The following RPS6KC1 variants were observed in gnomAD, a reference collection of about 807,000 sequenced individuals.
RPS6KC1 encodes inactive ribosomal protein S6 kinase delta-1.
In RPS6KC1, 54 loss-of-function variants were observed where a neutral mutation model predicts 103.8. That is an observed-to-expected ratio of 0.52 (90% CI 0.42 to 0.65). The LOEUF (loss-of-function observed/expected upper bound fraction) is 0.65. Among genes scored for constraint, RPS6KC1 ranks in the 30% least tolerant of loss-of-function variants. The pLI is 0.00. For synonymous variants in RPS6KC1, 439 were observed against 438.7 expected, an observed-to-expected ratio of 1.00 and a Z score of -0.01; for missense variants, 1,151 against 1,253.8, an observed-to-expected ratio of 0.92 and a Z score of 1.24.
chr1:213,816,014 G>A, the RPS6KC1 span, among the ~76,000 whole-genome samples: 1 of 152,190 alleles, frequency 6.6e-6, no homozygotes, highest in Non-Finnish European at 1.5e-5. Flanking sequence ...TAGGGAGCCA[G>A]AGGAGAGAGA....
At chr1:213,418,253 A>C in the RPS6KC1 span, among the ~76,000 whole-genome samples, 2 of 152,210 alleles carry the variant, frequency 1.3e-5, no homozygotes, top group Non-Finnish European at 2.9e-5. Flanking sequence ...TGCATGAAAT[A>C]ATATGTGCAA....
chr1:213,516,988 C>G, the RPS6KC1 span, among the ~76,000 whole-genome samples: 1 of 152,174 alleles, frequency 6.6e-6, no homozygotes, highest in South Asian at 2.1e-4. Flanking sequence ...TTATCCATTT[C>G]TTCTAGATTT....
rs2079084751 is a variant in RPS6KC1, at chr1:213,073,875, CATGTTGGCCAGG to C, written c.141+2835_141+2846del. ...ATTTTTAGTAGAGACGGGGTTTTACCATGTTGGCCAGGCAGGTCTCAAACTCCTGACCTCAGG... is the reference window on the plus strand; with the variant it reads ...ATTTTTAGTAGAGACGGGGTTTTACCCAGGTCTCAAACTCCTGACCTCAGG... On this transcript the variant is annotated intron_variant, in intron 2 of 14. Coordinates refer to ENST00000366960, the MANE Select transcript of RPS6KC1 (RefSeq NM_012424.6). 3.3e-5 allele frequency among the ~76,000 whole-genome samples: 5 copies of C among 152,106 alleles called. No individual in the cohort carries two copies. The Middle Eastern group carries it at 0.014, about 414-fold the overall frequency.
At chr1:213,717,485 T>C in the RPS6KC1 span, among the ~76,000 whole-genome samples, 4 of 152,142 alleles carry the variant, frequency 2.6e-5, no homozygotes, top group African/African-American at 9.7e-5. Context: ...GAAAGTACAT[T>C]AGTTGGCTAA....
chr1:213,630,831 C>T, the RPS6KC1 span, among the ~76,000 whole-genome samples: 54 of 152,240 alleles, frequency 3.5e-4, no homozygotes, highest in Admixed American at 5.9e-4. Context: ...TGGAGTTTGC[C>T]GGAGGTCCAC....
the RPS6KC1 span, among the ~76,000 whole-genome samples, chr1:213,705,164 G>T: frequency 3.3e-5 from 5 of 152,222 alleles, no homozygotes. Context: ...TCTACAATCA[G>T]CAGGTAGCAA....
At chr1:213,564,825 A>G in the RPS6KC1 span, among the ~76,000 whole-genome samples, 2 of 152,186 alleles carry the variant, frequency 1.3e-5, no homozygotes, top group African/African-American at 4.8e-5. Context: ...ACCTTTTATT[A>G]GTTAACAATT....
At chr1:213,372,712 A>G in the RPS6KC1 span, among the ~76,000 whole-genome samples, 2 of 152,020 alleles carry the variant, frequency 1.3e-5, no homozygotes, top group Admixed American at 1.3e-4. Flanking sequence ...TTATATTTTC[A>G]CCACCTGTTC....
chr1:213,826,995 C>T, the RPS6KC1 span, among the ~76,000 whole-genome samples: 150 of 152,206 alleles, frequency 9.9e-4, no homozygotes, highest in African/African-American at 1.9e-3. Flanking sequence ...ATTTCCACTC[C>T]GCAGACTCTT....
intron 8 of RPS6KC1, 41 bp downstream of exon 8, chr1:213,176,533 G>C: frequency 7.7e-7 from 1 of 1,295,970 alleles, no homozygotes; most frequent in Non-Finnish European, 1.1e-6. Context: ...GTCATAAATC[G>C]ACTGCATGCT....
the RPS6KC1 span, among the ~76,000 whole-genome samples, chr1:213,347,966 G>T: frequency 6.6e-6 from 1 of 152,112 alleles, no homozygotes; most frequent in African/African-American, 2.4e-5. Context: ...AGACCCTGAG[G>T]TGAGAATGTG....
the RPS6KC1 span, among the ~76,000 whole-genome samples, chr1:213,790,520 C>T: frequency 1.3e-5 from 2 of 152,026 alleles, no homozygotes; most frequent in African/African-American, 4.8e-5. Flanking sequence ...AACATCTGTC[C>T]AGGTAAAAAG....
chr1:213,101,755 A>G (rs999433195), intron 3 of RPS6KC1, among the ~76,000 whole-genome samples: 2 of 152,198 alleles, frequency 1.3e-5, no homozygotes, highest in South Asian at 2.1e-4. Flanking sequence ...TGTTTACACA[A>G]TTACTAATAT....
the RPS6KC1 span, among the ~76,000 whole-genome samples, chr1:213,284,433 A>C: frequency 2.8e-5 from 1 of 35,660 alleles, no homozygotes; most frequent in Non-Finnish European, 5.9e-5. Flanking sequence ...GAATAGCTTG[A>C]ACCAATGAGG....
At chr1:213,602,109 T>TC in the RPS6KC1 span, among the ~76,000 whole-genome samples, 3 of 43,764 alleles carry the variant, frequency 6.9e-5, 1 homozygote, top group Non-Finnish European at 1.2e-4. Context: ...TCTTTCTTTC[T>TC]TTCTTTCTTT....
the RPS6KC1 span, among the ~76,000 whole-genome samples, chr1:213,621,459 A>C: frequency 6.6e-6 from 1 of 152,116 alleles, no homozygotes; most frequent in Non-Finnish European, 1.5e-5. Flanking sequence ...TGCTAATAAT[A>C]GGATGGGTCA....
At chr1:213,734,309 G>A in the RPS6KC1 span, among the ~76,000 whole-genome samples, 3 of 152,142 alleles carry the variant, frequency 2.0e-5, no homozygotes, top group African/African-American at 4.8e-5. Context: ...CTTAGCTTTC[G>A]ATGATATCAT....
chr1:213,332,639 C>T, the RPS6KC1 span, among the ~76,000 whole-genome samples: 1 of 152,106 alleles, frequency 6.6e-6, no homozygotes, highest in East Asian at 1.9e-4. Context: ...TTAGTCAGCT[C>T]CTCTGTGGTG....
the RPS6KC1 span, among the ~76,000 whole-genome samples, chr1:213,433,660 T>C: frequency 4.6e-5 from 7 of 152,228 alleles, no homozygotes; most frequent in African/African-American, 1.7e-4. Flanking sequence ...TTTTTGATGA[T>C]AGCGATTATA....
Sources: allele counts gnomAD v4.1 joint callset (sites outside exome capture counted in the v4.1 genomes callset), GRCh38; gene constraint gnomAD v4.1.1; transcripts MANE v1.5; gene names NCBI Gene and HGNC (gene_info 2026-07-23, HGNC 2026-07-21).